The following SPRING1 variants were observed in gnomAD, a reference collection of about 807,000 sequenced individuals.
SPRING1 encodes the protein SREBP regulating gene protein.
Under a neutral mutation model 24.7 loss-of-function variants are expected in SPRING1, and 14 were observed. The observed-to-expected ratio is 0.57, with a 90% confidence interval of 0.37 to 0.88. SPRING1 has a LOEUF of 0.88. Among genes scored for constraint, SPRING1 ranks in the 40% least tolerant of loss-of-function variants. The pLI, the probability that SPRING1 is intolerant of heterozygous loss-of-function variation, is 0.00. For synonymous variants in SPRING1, 93 were observed against 106.1 expected, an observed-to-expected ratio of 0.88 and a Z score of 0.76; for missense variants, 255 against 268.4, an observed-to-expected ratio of 0.95 and a Z score of 0.35.
At chr12:116,730,651 G>A (rs1030788348) in intron 1 of SPRING1, among the ~76,000 whole-genome samples, 1 of 152,184 alleles carries the variant, frequency 6.6e-6, no homozygotes, top group African/African-American at 2.4e-5. Flanking sequence ...TTCATAAACT[G>A]TTCAGATCCA....
Position 116,714,170 on chromosome 12 carries a change from AGAG to A in SPRING1, c.*3637_*3639del, listed in dbSNP as rs1392366648. ...TTCACAGATGAAGGGCCTGAGCCAC[AGAG>A]GAGGAAGACTGCCTCAGCCACGCCG... On this transcript the variant is annotated 3_prime_UTR_variant, in exon 5 of 5. Coordinates refer to ENST00000261318, the MANE Select transcript of SPRING1 (RefSeq NM_024738.4). 1 of 152,224 alleles carries A rather than the reference AGAG, an allele frequency of 6.6e-6. No individual in the cohort carries two copies. Among genetic ancestry groups the A allele is most frequent in the Non-Finnish European group, 1.5e-5 (1 of 68,068 alleles). The allele number at this position is 152,224 out of a possible 1,614,324, so 9.4% of individuals were successfully genotyped here. A position where few individuals can be genotyped will look rare whatever the true frequency, so the allele number is the denominator to read the frequency against.
Position 116,716,177 on chromosome 12 carries a change from T to G in SPRING1, c.*1633A>C, listed in dbSNP as rs1228158426. On this transcript the variant is annotated 3_prime_UTR_variant, in exon 5 of 5. Coordinates refer to ENST00000261318, the MANE Select transcript of SPRING1 (RefSeq NM_024738.4). ...TCCAATGCAAACGGAATAGATTTCT[T>G]GGGATCTAATATTTTTCAAATTGCC... 2 of 152,214 alleles carry G rather than the reference T, an allele frequency of 1.3e-5. No homozygotes were observed. The highest frequency in any genetic ancestry group is 2.9e-5 in the Non-Finnish European group (2 of 68,032). The allele number at this position is 152,214 out of a possible 1,614,324, so 9.4% of individuals were successfully genotyped here. A position where few individuals can be genotyped will look rare whatever the true frequency, so the allele number is the denominator to read the frequency against.
intron 1 of SPRING1, among the ~76,000 whole-genome samples, chr12:116,736,344 C>T (rs747457484): frequency 3.9e-5 from 6 of 152,142 alleles, no homozygotes; most frequent in East Asian, 1.9e-4. Context: ...GGACAACACG[C>T]GACTGTGAGG....
intron 1 of SPRING1, among the ~76,000 whole-genome samples, chr12:116,737,475 AAG>A (rs1205977424): frequency 2.8e-5 from 4 of 142,664 alleles, no homozygotes; most frequent in Non-Finnish European, 6.1e-5. Flanking sequence ...GGAGAGGAAA[AAG>A]GGGAGGAAAG....
chr12:116,735,657 C>T (rs1457414357), intron 1 of SPRING1, among the ~76,000 whole-genome samples: 1 of 151,644 alleles, frequency 6.6e-6, no homozygotes, highest in Non-Finnish European at 1.5e-5. Context: ...TGCTTGAACC[C>T]GAGAGGTAGA....
intron 2 of SPRING1, 109 bp downstream of exon 2, chr12:116,722,958 A>G: frequency 7.3e-7 from 1 of 1,373,830 alleles, no homozygotes; most frequent in Non-Finnish European, 1.0e-6. Flanking sequence ...GAGATGAGCG[A>G]GGAGAGAAAA....
rs1869928884 is a variant in SPRING1 at position 116,712,732 on chromosome 12, T to C, written c.*5078A>G. 6.6e-6 allele frequency: 1 copy of C among 152,170 alleles called. No homozygotes were observed. The highest frequency in any genetic ancestry group is 2.4e-5 in the African/African-American group (1 of 41,424). 9.4% of individuals were successfully genotyped at this position (152,170 alleles called of 1,614,324 possible). A position where few individuals can be genotyped will look rare whatever the true frequency, so the allele number is the denominator to read the frequency against. ...TGCTGGTGAGGTGCTGGGGAGTCAA[T>C]CCGTCGTAGAGGGGAAGCGTTCTAC... On this transcript the variant is annotated 3_prime_UTR_variant, in exon 5 of 5. Transcript: ENST00000261318.
chr12:116,719,009 T>G (rs1319708473), intron 4 of SPRING1, among the ~76,000 whole-genome samples: 1 of 152,212 alleles, frequency 6.6e-6, no homozygotes, highest in African/African-American at 2.4e-5. Context: ...CTTTGGAGAA[T>G]GACAAATGAG....
chr12:116,725,199 C>T (rs1164017433), intron 1 of SPRING1, among the ~76,000 whole-genome samples: 2 of 152,188 alleles, frequency 1.3e-5, no homozygotes, highest in Admixed American at 1.3e-4. Context: ...CAGAAGTAAA[C>T]AGTTCCTAAG....
At chr12:116,737,645 G>A (rs1162985966) in intron 1 of SPRING1, 145 bp downstream of exon 1, 3 of 911,228 alleles carry the variant, frequency 3.3e-6, no homozygotes, top group South Asian at 5.4e-5. Flanking sequence ...GGAAGGGAAG[G>A]GGAGAAAGAA....
intron 1 of SPRING1, among the ~76,000 whole-genome samples, chr12:116,727,078 G>C (rs1870731552): frequency 6.6e-6 from 1 of 152,192 alleles, no homozygotes; most frequent in Non-Finnish European, 1.5e-5. Context: ...CACAGGATAG[G>C]GAGCTTTCTA....
At chr12:116,737,540 TGAG>T (rs1871312159) in intron 1 of SPRING1, among the ~76,000 whole-genome samples, 1 of 120,134 alleles carries the variant, frequency 8.3e-6, no homozygotes, top group African/African-American at 3.5e-5. Context: ...AGGAGGAAGG[TGAG>T]GAAGGTAAGG....
At position 116,717,487 on chromosome 12, in the gene SPRING1, A is replaced by G. The variant is rs1215412160; in HGVS notation, c.*323T>C. 1 of 231,420 alleles carries G rather than the reference A, an allele frequency of 4.3e-6. No homozygotes were observed. Among genetic ancestry groups the G allele is most frequent in the East Asian group, 8.8e-5 (1 of 11,320 alleles). 14.3% of individuals were successfully genotyped at this position (231,420 alleles called of 1,614,324 possible). On this transcript the variant is annotated 3_prime_UTR_variant, in exon 5 of 5. Transcript: ENST00000261318. This position sits in a 1 kb window ranked among gnomAD's most constrained non-coding sequence, Gnocchi z 4.2. ...GAAGTGACACCGGCCCCCGATGAAC[A>G]CAAGTCACAGGTCCCTGTGCAGGTC...
rs1870049627 is a variant in SPRING1, at chr12:116,714,930, G to C, written c.*2880C>G. 1 of 151,928 alleles carries C rather than the reference G, an allele frequency of 6.6e-6. No homozygotes were observed. Among genetic ancestry groups the C allele is most frequent in the South Asian group, 2.1e-4 (1 of 4,820 alleles). 9.4% of individuals were successfully genotyped at this position (151,928 alleles called of 1,614,324 possible). On this transcript the variant is annotated 3_prime_UTR_variant, in exon 5 of 5. Coordinates refer to ENST00000261318, the MANE Select transcript of SPRING1 (RefSeq NM_024738.4). Reference sequence around the variant, plus strand: ...TCTTGTGTGCTTCTTTCCCTGTTAGGACCAATCTTTACAACTCCAGCAAGC... The same window carrying C: ...TCTTGTGTGCTTCTTTCCCTGTTAGCACCAATCTTTACAACTCCAGCAAGC...
rs1870377653 is a variant in SPRING1 at position 116,720,539 on chromosome 12, A to C, written c.269-92T>G. On this transcript the variant is annotated intron_variant, in intron 2 of 4. Coordinates refer to ENST00000261318, the MANE Select transcript of SPRING1 (RefSeq NM_024738.4). The surrounding 1 kb of genome is among the most constrained non-coding windows in gnomAD (Gnocchi z 4.0). ...ATGAAGCAGCAGTGAAAGTACACAG[A>C]CAGAAGCTGGAGTCTGGGGCATCAT... 2 of 1,513,002 alleles carry C rather than the reference A, an allele frequency of 1.3e-6. No individual in the cohort carries two copies. Among genetic ancestry groups the C allele is most frequent in the Non-Finnish European group, 1.8e-6 (2 of 1,111,992 alleles). 93.7% of individuals were successfully genotyped at this position (1,513,002 alleles called of 1,614,324 possible).
chr12:116,714,308 C>T lies in SPRING1; in HGVS notation c.*3502G>A, dbSNP rs571350741. ...CTGTGTTTACAACTTATCTGCTGATCCCAAGGATGGGAAAAGCTGCACTCA... is the reference window on the plus strand; with the variant it reads ...CTGTGTTTACAACTTATCTGCTGATTCCAAGGATGGGAAAAGCTGCACTCA... On this transcript the variant is annotated 3_prime_UTR_variant, in exon 5 of 5. Transcript: ENST00000261318. 5.5e-4 allele frequency: 84 copies of T among 152,318 alleles called. No individual in the cohort carries two copies. The highest frequency in any genetic ancestry group is 1.9e-3 in the African/African-American group (81 of 41,558). The allele number at this position is 152,318 out of a possible 1,614,324, so 9.4% of individuals were successfully genotyped here. A position where few individuals can be genotyped will look rare whatever the true frequency, so the allele number is the denominator to read the frequency against.
chr12:116,716,597 TGGG>T lies in SPRING1; in HGVS notation c.*1210_*1212del, dbSNP rs1870145854. 1 of 152,470 alleles carries T rather than the reference TGGG, an allele frequency of 6.6e-6. No individual in the cohort carries two copies. The highest frequency in any genetic ancestry group is 2.4e-5 in the African/African-American group (1 of 41,384). 9.4% of individuals were successfully genotyped at this position (152,470 alleles called of 1,614,324 possible). A position where few individuals can be genotyped will look rare whatever the true frequency, so the allele number is the denominator to read the frequency against. On this transcript the variant is annotated 3_prime_UTR_variant, in exon 5 of 5. Transcript: ENST00000261318. ...AGAATCTGCATTACAGTAGGAAAAA[TGGG>T]GAGTGCTTTATGCCTGTGGATTCAG...
intron 1 of SPRING1, 85 bp from the exon 2 acceptor site, chr12:116,723,308 G>A (rs769598374): frequency 6.7e-7 from 1 of 1,500,488 alleles, no homozygotes; most frequent in Non-Finnish European, 9.1e-7. Context: ...ACTACAGTAA[G>A]AGGACAGAAA....
At chr12:116,732,494 G>A (rs1346510481) in intron 1 of SPRING1, among the ~76,000 whole-genome samples, 1 of 152,164 alleles carries the variant, frequency 6.6e-6, no homozygotes, top group Non-Finnish European at 1.5e-5. Context: ...GATCATCTGA[G>A]GTCAGGAGTT....
Sources: allele counts gnomAD v4.1 joint callset (sites outside exome capture counted in the v4.1 genomes callset), GRCh38; gene constraint gnomAD v4.1.1; non-coding constraint Gnocchi (gnomAD v3.1); transcripts MANE v1.5; gene names NCBI Gene and HGNC (gene_info 2026-07-23, HGNC 2026-07-21).